ASIC5: variants seen among roughly 807,000 people sequenced by gnomAD.
ASIC5 encodes the protein acid sensing ion channel subunit family member 5, also known as bile acid-sensitive ion channel.
In ASIC5, 52 loss-of-function variants were observed where a neutral mutation model predicts 51.2. The ratio of observed to expected loss-of-function variants is 1.02; its 90% CI spans 0.81 to 1.28. The LOEUF is 1.28. Ranked by LOEUF, ASIC5 falls within the 50% of genes most tolerant of loss-of-function variation. The probability of loss-of-function intolerance (pLI) is 0.00; values close to 1 mark genes in which losing one functional copy is unlikely to be tolerated. For missense variants in ASIC5, 635 were observed against 595.0 expected (o/e 1.07, Z -0.70); for synonymous variants, 231 against 200.7 (o/e 1.15, Z -1.28).
chr4:155,862,125 G>A (rs1259544212), intron 2 of ASIC5, among the ~76,000 whole-genome samples: 1 of 151,924 alleles, frequency 6.6e-6, no homozygotes, highest in Admixed American at 6.6e-5. Flanking sequence ...TTTCAGTCAA[G>A]GATAACTGCA....
intron 8 of ASIC5, 47 bp downstream of exon 8, chr4:155,836,642 A>AG: frequency 2.3e-6 from 3 of 1,290,570 alleles, no homozygotes; most frequent in Non-Finnish European, 3.2e-6. Flanking sequence ...ATAAAGAAAA[A>AG]AAAATCTATG....
At position 155,836,684 on chromosome 4, in the gene ASIC5, G is replaced by T. The variant is rs781010912; in HGVS notation, c.1235+5C>A. 7 of 1,588,286 alleles carry T rather than the reference G, an allele frequency of 4.4e-6. No individual in the cohort carries two copies. Among genetic ancestry groups the T allele is most frequent in the Non-Finnish European group, 6.0e-6 (7 of 1,160,864 alleles). On this transcript the variant is annotated splice_donor_5th_base_variant and intron_variant, in intron 8 of 9. Transcript: ENST00000537611. Reference sequence around the variant, plus strand: ...ATCAATAATTTAAAAGGCTAGTAAGGTTACCTGATGTATTTCCGGCTTTGA... The same window carrying T: ...ATCAATAATTTAAAAGGCTAGTAAGTTTACCTGATGTATTTCCGGCTTTGA...
intron 4 of ASIC5, among the ~76,000 whole-genome samples, chr4:155,850,068 G>T (rs1044660082): frequency 6.6e-6 from 1 of 151,754 alleles, no homozygotes; most frequent in Non-Finnish European, 1.5e-5. Flanking sequence ...TGAAAACTGA[G>T]ACCAGAGACT....
intron 2 of ASIC5, 102 bp from the exon 3 acceptor site, chr4:155,854,416 C>T (rs1741474099): frequency 1.2e-6 from 1 of 843,494 alleles, no homozygotes; most frequent in Middle Eastern, 3.1e-4. Context: ...TCTTATCTCC[C>T]ACACTCTCCC....
chr4:155,840,839 G>T (rs1741100646), intron 6 of ASIC5, among the ~76,000 whole-genome samples: 1 of 152,000 alleles, frequency 6.6e-6, no homozygotes, highest in Admixed American at 6.6e-5. Flanking sequence ...TAAAAGCTAA[G>T]ATCAGTGCTT....
chr4:155,830,440 A>G (rs1024342071), intron 9 of ASIC5, among the ~76,000 whole-genome samples: 3 of 152,202 alleles, frequency 2.0e-5, no homozygotes, highest in Non-Finnish European at 4.4e-5. Flanking sequence ...TTAATTTCCA[A>G]GCAAGTTGTG....
At chr4:155,838,168 G>T (rs990480332) in intron 7 of ASIC5, among the ~76,000 whole-genome samples, 2 of 152,086 alleles carry the variant, frequency 1.3e-5, no homozygotes, top group Admixed American at 6.5e-5. Flanking sequence ...TGCATAGAAG[G>T]GTATATATTG....
intron 6 of ASIC5, among the ~76,000 whole-genome samples, chr4:155,840,084 A>G (rs1420581295): frequency 1.3e-5 from 2 of 152,204 alleles, no homozygotes; most frequent in Non-Finnish European, 2.9e-5. Context: ...TATATATGCT[A>G]AAGTTCATGC....
chr4:155,854,333 G>A lies in ASIC5; in HGVS notation c.348-19C>T. 1 of 1,451,814 alleles carries A rather than the reference G, an allele frequency of 6.9e-7. No homozygotes were observed. Among genetic ancestry groups the A allele is most frequent in the Non-Finnish European group, 9.6e-7 (1 of 1,036,640 alleles). The allele number at this position is 1,451,814 out of a possible 1,614,324, so 89.9% of individuals were successfully genotyped here. A position where few individuals can be genotyped will look rare whatever the true frequency, so the allele number is the denominator to read the frequency against. ...TTGGAACCTATTAGCAGGAATGAAG[G>A]CAATAGTTAGAATAATGAAAACTTA... On this transcript the variant is annotated intron_variant, in intron 2 of 9. Coordinates refer to ENST00000537611, the MANE Select transcript of ASIC5 (RefSeq NM_017419.3).
intron 8 of ASIC5, among the ~76,000 whole-genome samples, chr4:155,833,968 T>C (rs2111224739): frequency 6.6e-6 from 1 of 152,300 alleles, no homozygotes; most frequent in South Asian, 2.1e-4. Context: ...TACAAAATAG[T>C]TTCTAAAAAA....
intron 6 of ASIC5, among the ~76,000 whole-genome samples, chr4:155,840,497 A>G (rs1203796684): frequency 6.8e-6 from 1 of 146,944 alleles, no homozygotes; most frequent in African/African-American, 2.5e-5. Context: ...TTTTATATTT[A>G]TATTTTATAT....
intron 6 of ASIC5, among the ~76,000 whole-genome samples, chr4:155,841,192 C>A (rs1741111508): frequency 6.6e-6 from 1 of 152,146 alleles, no homozygotes; most frequent in Non-Finnish European, 1.5e-5. Context: ...TCTGTCTAGG[C>A]AGCAGGCATG....
chr4:155,839,988 A>G (rs1474396544), intron 6 of ASIC5, among the ~76,000 whole-genome samples: 1 of 152,182 alleles, frequency 6.6e-6, no homozygotes, highest in Non-Finnish European at 1.5e-5. Context: ...TAACGTTTAG[A>G]ATCTTCCGTT....
intron 8 of ASIC5, among the ~76,000 whole-genome samples, chr4:155,832,894 C>T (rs945905248): frequency 1.3e-5 from 2 of 152,078 alleles, no homozygotes; most frequent in African/African-American, 4.8e-5. Flanking sequence ...TTAGTGCACC[C>T]CACTTCAACA....
intron 4 of ASIC5, among the ~76,000 whole-genome samples, chr4:155,847,091 T>A (rs1450930200): frequency 1.3e-5 from 2 of 152,062 alleles, no homozygotes; most frequent in Admixed American, 1.3e-4. Context: ...AGTGTTCAGG[T>A]CAAACCAGAA....
chr4:155,841,210 C>T (rs1381470426), intron 6 of ASIC5, among the ~76,000 whole-genome samples: 2 of 152,054 alleles, frequency 1.3e-5, no homozygotes, highest in Non-Finnish European at 2.9e-5. Context: ...ATGGTGAGCC[C>T]GTTGGGCAGT....
At chr4:155,862,799 T>C (rs1416251413) in intron 2 of ASIC5, among the ~76,000 whole-genome samples, 1 of 152,102 alleles carries the variant, frequency 6.6e-6, no homozygotes, top group Non-Finnish European at 1.5e-5. Flanking sequence ...CACCAGAACA[T>C]TTTATATCGT....
intron 6 of ASIC5, 107 bp from the exon 7 acceptor site, chr4:155,838,976 C>A (rs1029843299): frequency 1.6e-6 from 1 of 621,564 alleles, no homozygotes; most frequent in Non-Finnish European, 2.9e-6. Flanking sequence ...ATTCATCCAC[C>A]CACCCATTCT....
chr4:155,847,378 A>G (rs1179095343), intron 4 of ASIC5, among the ~76,000 whole-genome samples: 1 of 152,042 alleles, frequency 6.6e-6, no homozygotes, highest in Non-Finnish European at 1.5e-5. Flanking sequence ...AAACACTAAC[A>G]GCAATTAAAT....
Sources: gnomAD v4.1 joint callset for allele counts (sites outside exome capture counted in the v4.1 genomes callset) on GRCh38, gnomAD v4.1.1 for gene constraint, MANE v1.5 for transcripts, NCBI Gene and HGNC (gene_info 2026-07-23, HGNC 2026-07-21) for gene names.